Variants in REV1 observed in about 807,000 individuals in gnomAD.
REV1 encodes REV1 DNA directed polymerase, also known as translesion synthesis protein REV1.
A neutral mutation model predicts 137.4 loss-of-function variants in REV1; 42 were observed. That is an observed-to-expected ratio of 0.31 (90% CI 0.24 to 0.40). The LOEUF is 0.40. Among genes scored for constraint, REV1 ranks in the 10% least tolerant of loss-of-function variants. The pLI is 1.00. For synonymous variants in REV1, 524 were observed against 519.2 expected (o/e 1.01, Z -0.12); for missense variants, 1,282 against 1,490.1 (o/e 0.86, Z 2.30).
chr2:99,412,702 G>A (rs1283992887), intron 13 of REV1, 29 bp downstream of exon 13: 2 of 1,550,096 alleles, frequency 1.3e-6, no homozygotes, highest in Admixed American at 1.7e-5. Context: ...AAGAGCAACA[G>A]ATGGCAAAAT....
At position 99,418,892 on chromosome 2, in the gene REV1, C is replaced by CT; in HGVS notation, c.1886dup (p.Tyr630ValfsTer10). On this transcript the variant is annotated frameshift_variant, in exon 12 of 23. Coordinates refer to ENST00000258428, the MANE Select transcript of REV1 (RefSeq NM_016316.4). LOFTEE classifies it high-confidence loss of function. Reference sequence around the variant, plus strand: ...CTACTTCTTCTGGTTTTAGGTGGTACTGCCCATCTGGTTTTGCTTTTCTAG... The same window carrying CT: ...CTACTTCTTCTGGTTTTAGGTGGTACTTGCCCATCTGGTTTTGCTTTTCTAG... The CT allele has an allele frequency of 6.2e-7, 1 of 1,612,184 alleles. No individual in the cohort carries two copies. The highest frequency in any genetic ancestry group is 8.5e-7 in the Non-Finnish European group (1 of 1,178,540).
chr2:99,423,393 A>C (rs1029499632), intron 10 of REV1, among the ~76,000 whole-genome samples: 3 of 152,202 alleles, frequency 2.0e-5, no homozygotes, highest in Admixed American at 6.5e-5. Context: ...AACTACACCA[A>C]GCCCATTCAT....
At chr2:99,451,274 G>T in intron 3 of REV1, 2 of 940,598 alleles carry the variant, frequency 2.1e-6, no homozygotes, top group Non-Finnish European at 2.7e-6. Flanking sequence ...GAAAACGGCT[G>T]TCCTTTACCG....
intron 12 of REV1, among the ~76,000 whole-genome samples, chr2:99,415,720 T>A (rs111444953): frequency 0.015 from 2,282 of 152,346 alleles, 58 homozygotes; most frequent in Non-Finnish European, 0.018. Flanking sequence ...GTGCAGACTT[T>A]ATGAATGCCT....
intron 8 of REV1, among the ~76,000 whole-genome samples, chr2:99,430,678 A>G (rs1280209665): frequency 7.9e-5 from 12 of 152,324 alleles, no homozygotes; most frequent in African/African-American, 2.9e-4. Context: ...TATCCAAACC[A>G]AATTTACAAC....
chr2:99,405,733 C>G, intron 17 of REV1, 177 bp downstream of exon 17: 1 of 453,970 alleles, frequency 2.2e-6, no homozygotes, highest in East Asian at 3.5e-5. Flanking sequence ...TCACTCAACC[C>G]AAATATTGCT....
In REV1 at chr2:99,402,309, G is replaced by T; in HGVS notation, c.3579C>A (p.Tyr1193Ter). The stretch of plus-strand genomic sequence containing the variant: ...CTTTTTCTTCTATTAGATCAGTACA[G>T]TATTTCACAACTTGGAGAATGTCTT... The part of the protein sequence containing the change: ...MEEDILQVVK[Y>*]CTDLIEEKDL... The change falls in exon 22 of 23, where the codon TAC (tyrosine) becomes TAA (stop). Residue 1193 changes from tyrosine to a stop codon, truncating the protein, a stop_gained. Transcript: ENST00000258428. LOFTEE classifies it high-confidence loss of function. 1 of 1,536,958 alleles carries T rather than the reference G, an allele frequency of 6.5e-7. No homozygotes were observed. The highest frequency in any genetic ancestry group is 8.9e-7 in the Non-Finnish European group (1 of 1,120,812).
intron 12 of REV1, among the ~76,000 whole-genome samples, chr2:99,417,665 T>C (rs58508114): frequency 6.6e-6 from 1 of 152,296 alleles, no homozygotes; most frequent in East Asian, 1.9e-4. Flanking sequence ...ACCTTGATCT[T>C]GAACTTCCAG....
At chr2:99,410,071 C>T (rs183815828) in intron 14 of REV1, among the ~76,000 whole-genome samples, 1,982 of 152,088 alleles carry the variant, frequency 0.013, 43 homozygotes, top group African/African-American at 0.045. Context: ...AGTGCACTGG[C>T]GCGATCTCAG....
intron 10 of REV1, among the ~76,000 whole-genome samples, chr2:99,421,874 T>C (rs915819717): frequency 1.3e-5 from 2 of 152,202 alleles, no homozygotes; most frequent in East Asian, 1.9e-4. Flanking sequence ...GCATATTGGA[T>C]AGGAAAATGT....
intron 4 of REV1, 129 bp downstream of exon 4, chr2:99,449,207 G>A: frequency 2.6e-6 from 1 of 385,590 alleles, no homozygotes; most frequent in Non-Finnish European, 4.1e-6. Context: ...TGAGGCTGCA[G>A]TGAGCCATGA....
At chr2:99,430,030 C>T (rs1408731866) in intron 8 of REV1, 82 bp from the exon 9 acceptor site, 1 of 760,958 alleles carries the variant, frequency 1.3e-6, no homozygotes, top group Non-Finnish European at 2.0e-6. Flanking sequence ...TTTTCCATTA[C>T]TTTCATATAA....
intron 1 of REV1, among the ~76,000 whole-genome samples, chr2:99,482,878 G>T (rs953567928): frequency 6.6e-6 from 1 of 152,002 alleles, no homozygotes; most frequent in Admixed American, 6.6e-5. Context: ...CCAGCTGGGC[G>T]TGGTGGCAGG....
chr2:99,431,980 T>C (rs978692397), intron 8 of REV1: 22 of 810,660 alleles, frequency 2.7e-5, no homozygotes, highest in Admixed American at 1.2e-4. Context: ...CTATGACTAA[T>C]ACGATTTTTA....
chr2:99,446,722 T>C (rs748870303), intron 4 of REV1, among the ~76,000 whole-genome samples: 9 of 152,138 alleles, frequency 5.9e-5, no homozygotes, highest in Non-Finnish European at 1.2e-4. Context: ...CTTGAACTCC[T>C]GACCTCGTGA....
chr2:99,429,747 A>G (rs558361733), intron 9 of REV1, 93 bp downstream of exon 9: 137 of 770,204 alleles, frequency 1.8e-4, no homozygotes, highest in South Asian at 1.5e-3. Context: ...TGTAACATTT[A>G]AATCCACTTC....
chr2:99,453,465 G>A (rs1683150132), intron 3 of REV1, among the ~76,000 whole-genome samples: 1 of 152,074 alleles, frequency 6.6e-6, no homozygotes, highest in South Asian at 2.1e-4. Context: ...AGCTAAAGCT[G>A]CTCTCTATTC....
At chr2:99,442,261 A>AAAC (rs1553556641) in intron 5 of REV1, 56 bp downstream of exon 5, 1 of 1,315,224 alleles carries the variant, frequency 7.6e-7, no homozygotes. Context: ...TCAAAAAAAA[A>AAAC]AAAAAAAAAA....
intron 8 of REV1, among the ~76,000 whole-genome samples, chr2:99,433,242 T>C (rs1680336753): frequency 6.6e-6 from 1 of 152,126 alleles, no homozygotes; most frequent in Admixed American, 6.5e-5. Flanking sequence ...TATACCATAA[T>C]ACAAGTAAAT....
Sources: gnomAD v4.1 joint callset for allele counts (sites outside exome capture counted in the v4.1 genomes callset) on GRCh38, gnomAD v4.1.1 for gene constraint, MANE v1.5 for transcripts, NCBI Gene and HGNC (gene_info 2026-07-23, HGNC 2026-07-21) for gene names.